ADAM2: variants seen among roughly 807,000 people sequenced by gnomAD.
The protein encoded by ADAM2 is ADAM metallopeptidase domain 2.
A neutral mutation model predicts 99.3 loss-of-function variants in ADAM2; 101 were observed. That is an observed-to-expected ratio of 1.02 (90% CI 0.87 to 1.20). The LOEUF is 1.20. Ranked by LOEUF, ADAM2 falls within the 50% of genes most tolerant of loss-of-function variation. ADAM2 has a pLI of 0.00. For missense variants in ADAM2, 948 were observed against 878.7 expected, an observed-to-expected ratio of 1.08 and a Z score of -1.00; for synonymous variants, 323 against 287.6, an observed-to-expected ratio of 1.12 and a Z score of -1.25.
At chr8:39,827,368 C>G (rs1356606791) in intron 3 of ADAM2, among the ~76,000 whole-genome samples, 1 of 152,090 alleles carries the variant, frequency 6.6e-6, no homozygotes, top group Non-Finnish European at 1.5e-5. Context: ...TATGATTCAG[C>G]CGTCCCTTTA....
At chr8:39,744,592 C>T (rs1563329458) in intron 20 of ADAM2, among the ~76,000 whole-genome samples, 1 of 152,068 alleles carries the variant, frequency 6.6e-6, no homozygotes, top group Non-Finnish European at 1.5e-5. Context: ...CATGAAAACA[C>T]ATGGACACAG....
chr8:39,772,324 C>A lies in ADAM2; in HGVS notation c.1029-2749G>T, dbSNP rs79008475. Reference sequence around the variant, plus strand: ...TCTCAGTTTTTAATAAATGAGTGAACATATATAGAAGTCAAATAATTGACC... The same window carrying A: ...TCTCAGTTTTTAATAAATGAGTGAAAATATATAGAAGTCAAATAATTGACC... On this transcript the variant is annotated intron_variant, in intron 11 of 20. Transcript: ENST00000265708. 1.1e-4 allele frequency among the ~76,000 whole-genome samples: 17 copies of A among 151,842 alleles called. No individual in the cohort carries two copies. The East Asian group carries it at 3.1e-3, about 28-fold the overall frequency.
At chr8:39,836,205 A>AT (rs200796628) in intron 2 of ADAM2, among the ~76,000 whole-genome samples, 4,738 of 151,308 alleles carry the variant, frequency 0.031, 179 homozygotes, top group African/African-American at 0.084. Flanking sequence ...GAAAATGGGC[A>AT]TTTTTTTTTA....
intron 3 of ADAM2, among the ~76,000 whole-genome samples, chr8:39,827,818 G>A (rs1189226496): frequency 1.3e-5 from 2 of 152,086 alleles, no homozygotes; most frequent in African/African-American, 2.4e-5. Flanking sequence ...CAAGTTGACT[G>A]TAGTTAGTAA....
intron 7 of ADAM2, among the ~76,000 whole-genome samples, chr8:39,794,880 G>A (rs578073581): frequency 2.0e-5 from 3 of 152,058 alleles, no homozygotes; most frequent in South Asian, 2.1e-4. Flanking sequence ...TTTTGTCTGC[G>A]GCTTGTCCTG....
intron 19 of ADAM2, among the ~76,000 whole-genome samples, chr8:39,745,307 T>G (rs1042362226): frequency 6.6e-6 from 1 of 152,180 alleles, no homozygotes; most frequent in Non-Finnish European, 1.5e-5. Context: ...ACCACTTTAG[T>G]ATATTTAAAT....
intron 11 of ADAM2, among the ~76,000 whole-genome samples, 188 bp from the exon 12 acceptor site, chr8:39,769,763 A>G (rs1231610199): frequency 2.0e-5 from 3 of 152,138 alleles, no homozygotes; most frequent in Non-Finnish European, 4.4e-5. Flanking sequence ...GAAGTAAATT[A>G]CTAATCCATA....
chr8:39,809,826 A>C (rs983543708), intron 6 of ADAM2, among the ~76,000 whole-genome samples: 34 of 152,350 alleles, frequency 2.2e-4, no homozygotes, highest in African/African-American at 8.2e-4. Flanking sequence ...CACTGCAAAA[A>C]CATGCCAAAT....
intron 11 of ADAM2, among the ~76,000 whole-genome samples, chr8:39,771,318 C>G (rs1802772462): frequency 6.6e-6 from 1 of 152,160 alleles, no homozygotes; most frequent in Non-Finnish European, 1.5e-5. Context: ...CCCTTTATTC[C>G]CCTTACTGAC....
intron 6 of ADAM2, among the ~76,000 whole-genome samples, chr8:39,814,825 C>CTA (rs750764598): frequency 2.1e-4 from 32 of 149,076 alleles, no homozygotes; most frequent in Non-Finnish European, 2.7e-4. Flanking sequence ...AGCCATAGAA[C>CTA]TATATATATA....
chr8:39,771,363 G>C (rs1039296388), intron 11 of ADAM2, among the ~76,000 whole-genome samples: 2 of 152,020 alleles, frequency 1.3e-5, no homozygotes, highest in Admixed American at 1.3e-4. Context: ...CCAACAACTG[G>C]AATGTTACTA....
At chr8:39,783,712 G>A (rs937089698) in intron 10 of ADAM2, among the ~76,000 whole-genome samples, 1 of 152,104 alleles carries the variant, frequency 6.6e-6, no homozygotes, top group African/African-American at 2.4e-5. Flanking sequence ...GGCACTTTGG[G>A]AGGCTGAGGC....
chr8:39,801,881 G>A (rs571682493), intron 7 of ADAM2, among the ~76,000 whole-genome samples: 1 of 152,290 alleles, frequency 6.6e-6, no homozygotes, highest in Admixed American at 6.5e-5. Context: ...CAGGGGAAAA[G>A]AGCAGCCTGG....
In ADAM2 at chr8:39,761,158, A is replaced by G; in HGVS notation, c.1613+18T>C. On this transcript the variant is annotated intron_variant, in intron 15 of 20. Coordinates refer to ENST00000265708, the MANE Select transcript of ADAM2 (RefSeq NM_001464.5). Reference sequence around the variant, plus strand: ...AGGTGATAAATAGAAGTTCTAAGACAGATTTCTGAAAACATACTCAGCTTC... The same window carrying G: ...AGGTGATAAATAGAAGTTCTAAGACGGATTTCTGAAAACATACTCAGCTTC... 1 of 1,472,464 alleles carries G rather than the reference A, an allele frequency of 6.8e-7. No individual in the cohort carries two copies. The highest frequency in any genetic ancestry group is 9.2e-7 in the Non-Finnish European group (1 of 1,087,002). The allele number at this position is 1,472,464 out of a possible 1,614,324, so 91.2% of individuals were successfully genotyped here.
chr8:39,795,671 C>A (rs1449948555), intron 7 of ADAM2, among the ~76,000 whole-genome samples: 1 of 152,132 alleles, frequency 6.6e-6, no homozygotes, highest in Non-Finnish European at 1.5e-5. Flanking sequence ...ACCCCAACCA[C>A]CATGGGCACA....
intron 7 of ADAM2, among the ~76,000 whole-genome samples, chr8:39,808,331 T>C (rs1026205852): frequency 6.6e-6 from 1 of 151,334 alleles, no homozygotes; most frequent in African/African-American, 2.4e-5. Context: ...AGTAATCATA[T>C]TAGAAACAAG....
At chr8:39,814,731 A>C (rs1247973415) in intron 6 of ADAM2, among the ~76,000 whole-genome samples, 1 of 151,938 alleles carries the variant, frequency 6.6e-6, no homozygotes, top group African/African-American at 2.4e-5. Flanking sequence ...GTTTCAATCG[A>C]ACAACCAACA....
intron 20 of ADAM2, among the ~76,000 whole-genome samples, chr8:39,744,402 T>C (rs1823360505): frequency 6.6e-6 from 1 of 152,098 alleles, no homozygotes. Context: ...TATATATTTA[T>C]TTAATATATT....
intron 7 of ADAM2, among the ~76,000 whole-genome samples, chr8:39,806,434 C>T (rs550620145): frequency 3.3e-5 from 5 of 149,288 alleles, no homozygotes; most frequent in South Asian, 2.1e-4. Context: ...AAAAATGTCC[C>T]GTTTTCAACA....
Sources: allele counts gnomAD v4.1 joint callset (sites outside exome capture counted in the v4.1 genomes callset), GRCh38; gene constraint gnomAD v4.1.1; transcripts MANE v1.5; gene names NCBI Gene and HGNC (gene_info 2026-07-23, HGNC 2026-07-21).